PCDH9: variants seen among roughly 807,000 people sequenced by gnomAD.
PCDH9 encodes protocadherin-9.
A neutral mutation model predicts 70.6 loss-of-function variants in PCDH9; 24 were observed. That is an observed-to-expected ratio of 0.34 (90% CI 0.25 to 0.48). The LOEUF (loss-of-function observed/expected upper bound fraction) is 0.48, where lower values mean the gene tolerates loss of function less well. Ranked by LOEUF, PCDH9 falls within the 20% of genes least tolerant of loss-of-function variation. The pLI is 0.99. For missense variants in PCDH9, 1,281 were observed against 1,503.6 expected (o/e 0.85, Z 2.45); for synonymous variants, 562 against 558.5 (o/e 1.01, Z -0.09).
At chr13:66,884,743 T>A (rs903089541) in intron 3 of PCDH9, among the ~76,000 whole-genome samples, 2 of 152,156 alleles carry the variant, frequency 1.3e-5, no homozygotes, top group African/African-American at 4.8e-5. Context: ...AAAGAAGATA[T>A]GCCAAATGAA....
intron 3 of PCDH9, among the ~76,000 whole-genome samples, chr13:66,872,940 C>A (rs1262750130): frequency 6.6e-6 from 1 of 151,962 alleles, no homozygotes; most frequent in Non-Finnish European, 1.5e-5. Flanking sequence ...TAGAGATGGC[C>A]CACACCATTT....
intron 3 of PCDH9, among the ~76,000 whole-genome samples, chr13:66,750,009 A>G (rs1348379021): frequency 6.6e-6 from 1 of 152,220 alleles, no homozygotes; most frequent in Non-Finnish European, 1.5e-5. Context: ...CTAAAAGAAT[A>G]AAGGATCATG....
At chr13:67,154,575 CAAAA>C (rs753995213) in intron 2 of PCDH9, among the ~76,000 whole-genome samples, 1,420 of 36,766 alleles carry the variant, frequency 0.039, 49 homozygotes, top group African/African-American at 0.092. Context: ...GACCCTGTCT[CAAAA>C]AAAAAAAAAA....
rs567973867 is a variant in PCDH9 at position 66,676,924 on chromosome 13, T to C, written c.3139-45513A>G. On this transcript the variant is annotated intron_variant, in intron 3 of 4. Transcript: ENST00000377865. ...AAGAATTAATGTTTGTTTTCCTTTATATTATAAAATTTTAAATATCCATTT... is the reference window on the plus strand; with the variant it reads ...AAGAATTAATGTTTGTTTTCCTTTACATTATAAAATTTTAAATATCCATTT... Among the ~76,000 whole-genome samples, 9 of 152,250 alleles carry C rather than the reference T, an allele frequency of 5.9e-5. No individual in the cohort carries two copies. In the East Asian group the frequency reaches 1.2e-3, roughly 20 times the overall value.
At chr13:66,535,388 A>G (rs766490435) in intron 4 of PCDH9, among the ~76,000 whole-genome samples, 12 of 152,072 alleles carry the variant, frequency 7.9e-5, no homozygotes, top group Non-Finnish European at 1.8e-4. Flanking sequence ...TTAAGTCCCA[A>G]ATATCTTACT....
chr13:66,896,305 T>TCA, intron 3 of PCDH9, among the ~76,000 whole-genome samples: 1 of 152,154 alleles, frequency 6.6e-6, no homozygotes, highest in East Asian at 1.9e-4. Context: ...ATAAGGCCAC[T>TCA]CACATTGCTC....
chr13:66,466,459 T>C (rs1357654635), intron 4 of PCDH9, among the ~76,000 whole-genome samples: 1 of 152,032 alleles, frequency 6.6e-6, no homozygotes, highest in Non-Finnish European at 1.5e-5. Flanking sequence ...AGTCTTAAAT[T>C]CCCTCATCTT....
At chr13:66,414,781 A>G (rs571258335) in intron 4 of PCDH9, among the ~76,000 whole-genome samples, 1 of 152,328 alleles carries the variant, frequency 6.6e-6, no homozygotes, top group East Asian at 1.9e-4. Flanking sequence ...TTTCAACGTG[A>G]AAACTATTAT....
At chr13:66,797,150 T>C (rs974128833) in intron 3 of PCDH9, among the ~76,000 whole-genome samples, 6 of 152,018 alleles carry the variant, frequency 3.9e-5, no homozygotes, top group African/African-American at 1.4e-4. Context: ...GGTTACAGAG[T>C]TCTTTTGACT....
chr13:66,872,752 T>C (rs1226606744), intron 3 of PCDH9, among the ~76,000 whole-genome samples: 1 of 152,142 alleles, frequency 6.6e-6, no homozygotes, highest in African/African-American at 2.4e-5. Context: ...GTCTTTGAAA[T>C]TAAATAGATG....
At chr13:67,168,644 T>C (rs527291753) in intron 2 of PCDH9, among the ~76,000 whole-genome samples, 50 of 151,940 alleles carry the variant, frequency 3.3e-4, no homozygotes, top group African/African-American at 1.2e-3. Context: ...GATGGGGGGA[T>C]TACTTGAGTG....
In PCDH9 at chr13:67,143,736, A is replaced by G. The variant is rs558544504; in HGVS notation, c.3036+81669T>C. ...CACTGCTGGCCAAACAATAGACCAG[A>G]CCCTGAGGAAGAAAAGCAGAAGGGA... is the stretch of plus-strand genomic sequence containing the variant. On this transcript the variant is annotated intron_variant, in intron 2 of 4. Coordinates refer to ENST00000377865, the MANE Select transcript of PCDH9 (RefSeq NM_203487.3). 2.0e-5 allele frequency among the ~76,000 whole-genome samples: 3 copies of G among 152,280 alleles called. No individual in the cohort carries two copies. The East Asian group carries it at 5.8e-4, about 29-fold the overall frequency.
intron 2 of PCDH9, among the ~76,000 whole-genome samples, chr13:66,906,840 A>G (rs1232534695): frequency 3.3e-5 from 5 of 152,194 alleles, no homozygotes; most frequent in Admixed American, 6.5e-5. Context: ...GAAAAAATTT[A>G]ATCACTATGA....
At chr13:67,071,195 G>C (rs1445805873) in intron 2 of PCDH9, among the ~76,000 whole-genome samples, 1 of 152,136 alleles carries the variant, frequency 6.6e-6, no homozygotes, top group African/African-American at 2.4e-5. Context: ...AAATGTAATA[G>C]TTTAGTGACT....
chr13:67,134,076 A>G (rs1276755885), intron 2 of PCDH9, among the ~76,000 whole-genome samples: 1 of 152,124 alleles, frequency 6.6e-6, no homozygotes, highest in African/African-American at 2.4e-5. Flanking sequence ...TGAACAATTT[A>G]ACTTCTCATA....
chr13:66,506,879 T>C (rs183161095), intron 4 of PCDH9, among the ~76,000 whole-genome samples: 1 of 152,380 alleles, frequency 6.6e-6, no homozygotes, highest in African/African-American at 2.4e-5. Context: ...TGTCTATGCC[T>C]TGCTTTATAA....
intron 2 of PCDH9, among the ~76,000 whole-genome samples, chr13:66,989,979 A>G (rs1482799158): frequency 5.9e-5 from 9 of 151,896 alleles, no homozygotes; most frequent in African/African-American, 2.2e-4. Flanking sequence ...TCAAAGACTG[A>G]TAACAAAATT....
chr13:66,774,144 T>A (rs1211934535), intron 3 of PCDH9, among the ~76,000 whole-genome samples: 1 of 152,166 alleles, frequency 6.6e-6, no homozygotes, highest in Non-Finnish European at 1.5e-5. Flanking sequence ...AACATATTCA[T>A]AATAACCTGC....
At chr13:66,363,135 C>T (rs1258717569) in intron 4 of PCDH9, among the ~76,000 whole-genome samples, 3 of 152,092 alleles carry the variant, frequency 2.0e-5, no homozygotes, top group Non-Finnish European at 4.4e-5. Flanking sequence ...GCTGAGATTG[C>T]ACCACTGCAC....
Sources: gnomAD v4.1 joint callset for allele counts (sites outside exome capture counted in the v4.1 genomes callset) on GRCh38, gnomAD v4.1.1 for gene constraint, MANE v1.5 for transcripts, NCBI Gene and HGNC (gene_info 2026-07-23, HGNC 2026-07-21) for gene names.